PPP2R3A: variants seen among roughly 807,000 people sequenced by gnomAD.
The protein encoded by PPP2R3A is protein phosphatase 2 regulatory subunit B''alpha.
Under a neutral mutation model 106.9 loss-of-function variants are expected in PPP2R3A, and 80 were observed. The observed-to-expected ratio is 0.75, with a 90% CI of 0.62 to 0.90. The LOEUF is 0.90. PPP2R3A is among the 40% of genes least tolerant of loss of function. The pLI, the probability that PPP2R3A is intolerant of heterozygous loss-of-function variation, is 0.00. For missense variants in PPP2R3A, 1,386 were observed against 1,350.4 expected, an observed-to-expected ratio of 1.03 and a Z score of -0.41; for synonymous variants, 483 against 468.3, an observed-to-expected ratio of 1.03 and a Z score of -0.41.
At chr3:136,124,252 G>T (rs535753079) in intron 13 of PPP2R3A, among the ~76,000 whole-genome samples, 11 of 152,284 alleles carry the variant, frequency 7.2e-5, no homozygotes, top group Admixed American at 3.3e-4. Flanking sequence ...CACTCTGGGA[G>T]GACAAGTTGG....
intron 5 of PPP2R3A, among the ~76,000 whole-genome samples, chr3:136,064,059 C>T (rs929149457): frequency 1.8e-4 from 27 of 151,842 alleles, no homozygotes; most frequent in African/African-American, 5.8e-4. Context: ...AAATGTGGCA[C>T]ATATACACCA....
intron 2 of PPP2R3A, among the ~76,000 whole-genome samples, chr3:136,019,528 T>C (rs1476307316): frequency 1.3e-5 from 2 of 152,138 alleles, no homozygotes. Context: ...GTAGTGAAAT[T>C]CCCCTATGTT....
chr3:136,087,301 C>CTCTCTCTCTCTCTCTCT (rs1357086259), intron 8 of PPP2R3A, among the ~76,000 whole-genome samples: 5 of 146,152 alleles, frequency 3.4e-5, no homozygotes, highest in African/African-American at 1.0e-4. Flanking sequence ...CTCTCTCTCA[C>CTCTCTCTCTCTCTCTCT]CAACATGCTA....
intron 9 of PPP2R3A, 48 bp downstream of exon 9, chr3:136,087,979 C>T: frequency 6.8e-7 from 1 of 1,462,908 alleles, no homozygotes; most frequent in African/African-American, 1.4e-5. Context: ...ACAAGTAATA[C>T]CATAACCATC....
chr3:136,123,205 G>A (rs998394843), intron 13 of PPP2R3A, among the ~76,000 whole-genome samples: 2 of 152,078 alleles, frequency 1.3e-5, no homozygotes, highest in African/African-American at 4.8e-5. Flanking sequence ...ACAAAGGTAT[G>A]GTGGGGTACA....
chr3:135,986,122 A>G (rs1412848603), intron 1 of PPP2R3A, among the ~76,000 whole-genome samples: 1 of 152,148 alleles, frequency 6.6e-6, no homozygotes, highest in Non-Finnish European at 1.5e-5. Context: ...TCTAAAAGGG[A>G]TACAGGGAAA....
intron 6 of PPP2R3A, among the ~76,000 whole-genome samples, chr3:136,071,002 C>G (rs1936413599): frequency 6.6e-6 from 1 of 152,222 alleles, no homozygotes; most frequent in Non-Finnish European, 1.5e-5. Flanking sequence ...AACATGATCA[C>G]AATCTCATTT....
chr3:136,130,852 C>T (rs1014622929), intron 13 of PPP2R3A, among the ~76,000 whole-genome samples: 3 of 152,094 alleles, frequency 2.0e-5, no homozygotes, highest in Non-Finnish European at 4.4e-5. Context: ...GAAATAACAC[C>T]ACACATCTAC....
chr3:136,056,663 G>A (rs918646142), intron 5 of PPP2R3A, among the ~76,000 whole-genome samples: 3 of 151,834 alleles, frequency 2.0e-5, no homozygotes, highest in African/African-American at 4.8e-5. Flanking sequence ...CGTGACACTC[G>A]TCTTAGCATT....
At chr3:136,027,855 G>A (rs1398246160) in intron 3 of PPP2R3A, among the ~76,000 whole-genome samples, 1 of 152,180 alleles carries the variant, frequency 6.6e-6, no homozygotes, top group Non-Finnish European at 1.5e-5. Flanking sequence ...GGGTTTAGAA[G>A]GCTAAGGGCT....
At chr3:136,009,282 A>G (rs1315043085) in intron 2 of PPP2R3A, among the ~76,000 whole-genome samples, 2 of 151,970 alleles carry the variant, frequency 1.3e-5, no homozygotes, top group African/African-American at 2.4e-5. Context: ...GCTCTAGACT[A>G]TTCTCCTGGC....
intron 7 of PPP2R3A, 118 bp from the exon 8 acceptor site, chr3:136,082,147 G>A (rs1936797516): frequency 4.9e-6 from 4 of 810,980 alleles, no homozygotes; most frequent in Middle Eastern, 3.7e-4. Context: ...AAGGGTTTCT[G>A]ATTTGGTACC....
intron 2 of PPP2R3A, among the ~76,000 whole-genome samples, chr3:136,025,086 A>C (rs1288151151): frequency 1.3e-5 from 2 of 152,108 alleles, no homozygotes; most frequent in African/African-American, 4.8e-5. Flanking sequence ...TTTTTTGAGA[A>C]TCTCATCCTT....
intron 5 of PPP2R3A, among the ~76,000 whole-genome samples, chr3:136,050,978 A>C (rs897850972): frequency 4.6e-5 from 7 of 152,192 alleles, no homozygotes; most frequent in African/African-American, 1.7e-4. Flanking sequence ...TTTTAGAGAG[A>C]GAGAGATGTC....
In PPP2R3A at chr3:136,040,963, G is replaced by A; in HGVS notation, c.2366+1G>A. 1 of 1,612,016 alleles carries A rather than the reference G, an allele frequency of 6.2e-7. No homozygotes were observed. Among genetic ancestry groups the A allele is most frequent in the Non-Finnish European group, 8.5e-7 (1 of 1,178,760 alleles). On this transcript the variant is annotated splice_donor_variant, in intron 4 of 13. Transcript: ENST00000264977. LOFTEE classifies it high-confidence loss of function. ...AGTCATTCATTGCCATGTGGAGAAA[G>A]TAAGTATGTGAGCAGTCTCTCTGGA...
chr3:136,017,922 A>G (rs935819331), intron 2 of PPP2R3A, among the ~76,000 whole-genome samples: 4 of 152,196 alleles, frequency 2.6e-5, no homozygotes, highest in Admixed American at 1.3e-4. Context: ...CTCAGTCTCC[A>G]TAACCACATT....
intron 5 of PPP2R3A, among the ~76,000 whole-genome samples, chr3:136,066,935 T>A (rs1243773432): frequency 6.6e-6 from 1 of 152,202 alleles, no homozygotes; most frequent in Non-Finnish European, 1.5e-5. Context: ...GTATTTTAGA[T>A]ACTTTCTTAA....
At chr3:135,977,746 C>T (rs542625804) in intron 1 of PPP2R3A, among the ~76,000 whole-genome samples, 3 of 115,278 alleles carry the variant, frequency 2.6e-5, no homozygotes, top group African/African-American at 1.0e-4. Flanking sequence ...GTTGCCCAGG[C>T]TGGAGTACAG....
intron 11 of PPP2R3A, among the ~76,000 whole-genome samples, chr3:136,102,769 GT>G (rs1015571500): frequency 2.0e-5 from 3 of 152,246 alleles, no homozygotes; most frequent in South Asian, 4.1e-4. Flanking sequence ...CATTATGATT[GT>G]TCCTGTGAGT....
Sources: gnomAD v4.1 joint callset for allele counts (sites outside exome capture counted in the v4.1 genomes callset) on GRCh38, gnomAD v4.1.1 for gene constraint, MANE v1.5 for transcripts, NCBI Gene and HGNC (gene_info 2026-07-23, HGNC 2026-07-21) for gene names.